Variants in SKAP2 observed in about 807,000 individuals in gnomAD.
The protein encoded by SKAP2 is src kinase associated phosphoprotein 2, also known as src kinase-associated phosphoprotein 2.
SKAP2 carries 28 observed loss-of-function variants against 54.9 expected under a neutral mutation model. That is an observed-to-expected ratio of 0.51 (90% confidence interval 0.38 to 0.70). SKAP2 has a LOEUF of 0.70. Ranked by LOEUF, SKAP2 falls within the 30% of genes least tolerant of loss-of-function variation. The probability of loss-of-function intolerance (pLI) is 0.00; values close to 1 mark genes in which losing one functional copy is unlikely to be tolerated. For synonymous variants in SKAP2, 137 were observed against 134.3 expected (o/e 1.02, Z -0.14); for missense variants, 356 against 424.1 (o/e 0.84, Z 1.41).
intron 6 of SKAP2, among the ~76,000 whole-genome samples, chr7:26,735,017 T>C (rs1161411814): frequency 2.0e-5 from 3 of 152,142 alleles, no homozygotes; most frequent in Non-Finnish European, 4.4e-5. Flanking sequence ...TTTCCCTCCT[T>C]TGTGATCCAA....
At chr7:26,801,067 G>A (rs1783902965) in intron 4 of SKAP2, among the ~76,000 whole-genome samples, 1 of 151,904 alleles carries the variant, frequency 6.6e-6, no homozygotes, top group African/African-American at 2.4e-5. Context: ...AAAAAATATA[G>A]GCCAATATAT....
chr7:26,732,417 A>G (rs967690004), intron 6 of SKAP2, among the ~76,000 whole-genome samples: 1 of 152,178 alleles, frequency 6.6e-6, no homozygotes, highest in Non-Finnish European at 1.5e-5. Context: ...TAGCATTCTT[A>G]GCAATTCTGA....
intron 6 of SKAP2, among the ~76,000 whole-genome samples, chr7:26,736,573 C>T (rs914349339): frequency 6.6e-6 from 1 of 152,178 alleles, no homozygotes; most frequent in African/African-American, 2.4e-5. Context: ...TCTGCTTTGC[C>T]TATGGAGTAG....
At chr7:26,688,798 ATAT>A (rs1786707887) in intron 10 of SKAP2, among the ~76,000 whole-genome samples, 1 of 152,184 alleles carries the variant, frequency 6.6e-6, no homozygotes, top group African/African-American at 2.4e-5. Flanking sequence ...TTAAGCCAAA[ATAT>A]TTGTATCTGT....
chr7:26,837,985 C>T (rs1784749095), intron 4 of SKAP2, among the ~76,000 whole-genome samples: 1 of 152,154 alleles, frequency 6.6e-6, no homozygotes, highest in Non-Finnish European at 1.5e-5. Flanking sequence ...TGCCATTGGG[C>T]ATATCACTTA....
intron 6 of SKAP2, among the ~76,000 whole-genome samples, chr7:26,733,378 C>A (rs1787860744): frequency 6.6e-6 from 1 of 151,306 alleles, no homozygotes; most frequent in Admixed American, 6.6e-5. Context: ...TATATAATTA[C>A]AATTATAAAA....
At chr7:26,802,498 C>A (rs1034451461) in intron 4 of SKAP2, among the ~76,000 whole-genome samples, 5 of 152,002 alleles carry the variant, frequency 3.3e-5, no homozygotes, top group Non-Finnish European at 5.9e-5. Flanking sequence ...CTCGAGCTCC[C>A]GACCTCAGGT....
intron 6 of SKAP2, among the ~76,000 whole-genome samples, chr7:26,730,573 A>G (rs1221939461): frequency 2.0e-5 from 3 of 152,094 alleles, no homozygotes; most frequent in Non-Finnish European, 4.4e-5. Context: ...TGCCTTCAGA[A>G]TTTTTGAGGT....
chr7:26,747,127 G>A (rs1782575013), intron 4 of SKAP2, among the ~76,000 whole-genome samples: 1 of 150,466 alleles, frequency 6.6e-6, no homozygotes, highest in Non-Finnish European at 1.5e-5. Context: ...TCTAAAAGAG[G>A]ACTAATTGTG....
chr7:26,854,191 G>A, intron 2 of SKAP2, 29 bp from the exon 3 acceptor site: 3 of 1,493,818 alleles, frequency 2.0e-6, no homozygotes, highest in South Asian at 1.3e-5. Flanking sequence ...ATTTTTAAAT[G>A]AGGTTGAAAA....
At chr7:26,815,056 C>G (rs1400621622) in intron 4 of SKAP2, among the ~76,000 whole-genome samples, 1 of 150,610 alleles carries the variant, frequency 6.6e-6, no homozygotes, top group African/African-American at 2.4e-5. Flanking sequence ...TTAGACATAA[C>G]AGTAAAACCA....
chr7:26,800,911 C>G (rs1783898575), intron 4 of SKAP2, among the ~76,000 whole-genome samples: 1 of 152,064 alleles, frequency 6.6e-6, no homozygotes, highest in Admixed American at 6.6e-5. Context: ...TGAATTCTAC[C>G]AAACATTTAA....
At chr7:26,815,171 G>C (rs1328340225) in intron 4 of SKAP2, among the ~76,000 whole-genome samples, 3 of 151,782 alleles carry the variant, frequency 2.0e-5, no homozygotes, top group Non-Finnish European at 2.9e-5. Context: ...CACTAATAGG[G>C]ACTTCTAAAC....
intron 4 of SKAP2, among the ~76,000 whole-genome samples, chr7:26,772,069 T>A (rs1452101514): frequency 6.6e-6 from 1 of 152,194 alleles, no homozygotes; most frequent in East Asian, 1.9e-4. Context: ...TACCAAAAGA[T>A]TAATTTTAAT....
chr7:26,679,330 A>G (rs1490219659), intron 11 of SKAP2, among the ~76,000 whole-genome samples: 1 of 152,248 alleles, frequency 6.6e-6, no homozygotes, highest in Non-Finnish European at 1.5e-5. Context: ...ACAAACAGAT[A>G]ACAAGAGGAG....
intron 4 of SKAP2, among the ~76,000 whole-genome samples, chr7:26,826,102 T>C (rs1299179082): frequency 7.1e-6 from 1 of 140,744 alleles, no homozygotes; most frequent in African/African-American, 2.6e-5. Context: ...GATCCAGACC[T>C]AGCCAATTCG....
At chr7:26,662,168 T>A (rs934033029), downstream of SKAP2, among the ~76,000 whole-genome samples, 6 of 152,148 alleles carry the variant, frequency 3.9e-5, no homozygotes, top group African/African-American at 1.4e-4. Flanking sequence ...TATGTTACCA[T>A]AACTGGTAGC....
chr7:26,849,529 C>T (rs1784995246), intron 3 of SKAP2, among the ~76,000 whole-genome samples: 1 of 151,612 alleles, frequency 6.6e-6, no homozygotes, highest in East Asian at 1.9e-4. Flanking sequence ...CCTAAAAATA[C>T]AAAAAATTAG....
intron 3 of SKAP2, among the ~76,000 whole-genome samples, chr7:26,853,280 G>C (rs1483452762): frequency 6.6e-6 from 1 of 152,114 alleles, no homozygotes; most frequent in Non-Finnish European, 1.5e-5. Flanking sequence ...ATGCCATACT[G>C]TGTGTCTTCC....
Sources: allele counts gnomAD v4.1 joint callset (sites outside exome capture counted in the v4.1 genomes callset), GRCh38; gene constraint gnomAD v4.1.1; transcripts MANE v1.5; gene names NCBI Gene and HGNC (gene_info 2026-07-23, HGNC 2026-07-21).